Variants in STS observed in about 807,000 individuals in gnomAD.
STS encodes steryl-sulfatase.
In STS, 7 loss-of-function variants were observed where a neutral mutation model predicts 26.8. That is an observed-to-expected ratio of 0.26 (90% CI 0.15 to 0.49). The LOEUF is 0.49. Among genes scored for constraint, STS ranks in the 20% least tolerant of loss-of-function variants. The pLI, the probability that STS is intolerant of heterozygous loss-of-function variation, is 0.98. For missense variants in STS, 434 were observed against 465.6 expected, an observed-to-expected ratio of 0.93 and a Z score of 0.63; for synonymous variants, 199 against 189.4, an observed-to-expected ratio of 1.05 and a Z score of -0.42.
chrX:7,153,433 C>G (rs770029635), intron 1 of STS, among the ~76,000 whole-genome samples: 1 of 101,741 alleles, frequency 9.8e-6, no homozygotes, highest in Non-Finnish European at 2.0e-5. Context: ...TCCTCCTTGA[C>G]TCCTTCCCTC....
At position 7,234,194 on chromosome X, in the gene STS, C is replaced by T. The variant is rs191759420; in HGVS notation, c.-4-19002C>T. ...TTCATCCAGGGGATCCTGGAAAATG[C>T]AAATATACAAAACCTATCATGACCA... On this transcript the variant is annotated intron_variant, in intron 2 of 10. Transcript: ENST00000674429. 6.4e-4 allele frequency among the ~76,000 whole-genome samples: 72 copies of T among 112,257 alleles called. 3 individuals are homozygous for T. The Admixed American group carries it at 6.8e-3, about 11-fold the overall frequency.
intron 2 of STS, among the ~76,000 whole-genome samples, chrX:7,216,063 A>G (rs780862764): frequency 1.8e-5 from 2 of 111,942 alleles, no homozygotes; most frequent in Non-Finnish European, 3.8e-5. Flanking sequence ...CATAGCAAAC[A>G]TATTGGAATG....
intron 7 of STS, among the ~76,000 whole-genome samples, chrX:7,304,514 A>G (rs1926123340): frequency 9.0e-6 from 1 of 111,660 alleles, no homozygotes; most frequent in Admixed American, 9.5e-5. Flanking sequence ...GAATATTGAT[A>G]TTCATGTGAG....
chrX:7,349,714 G>A (rs968925257), intron 10 of STS, among the ~76,000 whole-genome samples, 174 bp from the exon 11 acceptor site: 3 of 111,446 alleles, frequency 2.7e-5, no homozygotes, highest in Admixed American at 9.5e-5. Context: ...GTGTGTGGGC[G>A]TCTATGTGTG....
intron 6 of STS, among the ~76,000 whole-genome samples, chrX:7,267,137 A>G (rs1243083357): frequency 8.9e-6 from 1 of 112,165 alleles, no homozygotes; most frequent in African/African-American, 3.2e-5. Context: ...CATCTACTCT[A>G]GTGCGGTAGA....
intron 7 of STS, among the ~76,000 whole-genome samples, chrX:7,279,307 A>ATG (rs1453225092): frequency 1.5e-5 from 1 of 67,028 alleles, no homozygotes; most frequent in Non-Finnish European, 2.9e-5. Context: ...ATATATATAT[A>ATG]TATATGTGTG....
rs1177475422 is a variant in STS, at chrX:7,352,045, C to G, written c.*1784C>G. ...AGATTCTTCCTTTTAACTTGGATTT[C>G]TCGTTCCAGAAATTGTGGGATAATC... On this transcript the variant is annotated 3_prime_UTR_variant, in exon 11 of 11. Coordinates refer to ENST00000674429, the MANE Select transcript of STS (RefSeq NM_001320752.2). 2 of 110,132 alleles carry G rather than the reference C, an allele frequency of 1.8e-5. No individual in the cohort carries two copies. Among genetic ancestry groups the G allele is most frequent in the African/African-American group, 6.6e-5 (2 of 30,249 alleles). 9.1% of individuals were successfully genotyped at this position (110,132 alleles called of 1,213,427 possible).
chrX:7,332,864 T>C (rs1927825787), intron 9 of STS, among the ~76,000 whole-genome samples: 1 of 112,078 alleles, frequency 8.9e-6, no homozygotes, highest in African/African-American at 3.2e-5. Context: ...GCCAAGCCAG[T>C]CTTTTGTTCT....
intron 2 of STS, among the ~76,000 whole-genome samples, chrX:7,203,789 T>TAG (rs1299512114): frequency 4.9e-4 from 54 of 109,357 alleles, no homozygotes; most frequent in Non-Finnish European, 5.9e-4. Flanking sequence ...TATATATATA[T>TAG]ATAGAGAGAG....
At chrX:7,346,912 T>A (rs1334308926) in intron 10 of STS, among the ~76,000 whole-genome samples, 1 of 108,226 alleles carries the variant, frequency 9.2e-6, no homozygotes, top group African/African-American at 3.4e-5. Flanking sequence ...TACAAAAAAA[T>A]TTAAAATATA....
intron 2 of STS, among the ~76,000 whole-genome samples, chrX:7,240,479 A>T (rs1000145071): frequency 7.1e-5 from 6 of 84,922 alleles, no homozygotes; most frequent in Admixed American, 2.8e-4. Context: ...ACACACACAC[A>T]CACACAGATA....
chrX:7,265,392 G>A (rs1219481636), intron 6 of STS, among the ~76,000 whole-genome samples: 2 of 111,621 alleles, frequency 1.8e-5, no homozygotes, highest in Non-Finnish European at 3.8e-5. Context: ...TATTTTGACA[G>A]AAATTATTTA....
intron 7 of STS, among the ~76,000 whole-genome samples, chrX:7,277,794 T>G (rs1231168697): frequency 8.9e-6 from 1 of 112,508 alleles, no homozygotes; most frequent in Non-Finnish European, 1.9e-5. Flanking sequence ...AATACAAGCC[T>G]GCCTCCTTTT....
At chrX:7,279,070 G>A (rs992559200) in intron 7 of STS, among the ~76,000 whole-genome samples, 12 of 109,145 alleles carry the variant, frequency 1.1e-4, no homozygotes, top group Non-Finnish European at 2.1e-4. Context: ...TTGGGAGGCC[G>A]AAGCGGGCAG....
Position 7,147,881 on chromosome X carries a change from T to G in STS, c.-336T>G. The G allele has an allele frequency of 3.9e-6, 1 of 253,242 alleles. No individual in the cohort carries two copies. The highest frequency in any genetic ancestry group is 7.0e-6 in the Non-Finnish European group (1 of 142,161). 20.9% of individuals were successfully genotyped at this position (253,242 alleles called of 1,213,427 possible). On this transcript the variant is annotated 5_prime_UTR_variant, in exon 1 of 11. Transcript: ENST00000674429. Reference sequence around the variant, plus strand: ...CCGGACATGGGCCCGCGGGCGCTCCTGGCCGCCGCCCGACTTCGGGGCCAG... The same window carrying G: ...CCGGACATGGGCCCGCGGGCGCTCCGGGCCGCCGCCCGACTTCGGGGCCAG...
intron 1 of STS, among the ~76,000 whole-genome samples, chrX:7,182,009 G>T (rs1470493338): frequency 9.0e-6 from 1 of 111,725 alleles, no homozygotes; most frequent in Non-Finnish European, 1.9e-5. Flanking sequence ...GGTAGGCAAA[G>T]GTGGCAGCAT....
At chrX:7,332,433 A>G (rs1261490337) in intron 9 of STS, among the ~76,000 whole-genome samples, 1 of 102,219 alleles carries the variant, frequency 9.8e-6, no homozygotes, top group African/African-American at 3.5e-5. Context: ...TGGCAGATGG[A>G]AAAAAAAAAA....
intron 1 of STS, among the ~76,000 whole-genome samples, chrX:7,190,510 CACAG>C (rs1933852729): frequency 9.0e-6 from 1 of 111,243 alleles, no homozygotes; most frequent in African/African-American, 3.3e-5. Context: ...AGAGGCTGGG[CACAG>C]TGGCTCACAC....
intron 1 of STS, among the ~76,000 whole-genome samples, chrX:7,148,578 T>C (rs907790771): frequency 1.7e-4 from 19 of 112,468 alleles, no homozygotes; most frequent in Non-Finnish European, 2.8e-4. Context: ...AGCCATCAGG[T>C]TGCAGACAAA....
Sources: gnomAD v4.1 joint callset for allele counts (sites outside exome capture counted in the v4.1 genomes callset) on GRCh38, gnomAD v4.1.1 for gene constraint, MANE v1.5 for transcripts, NCBI Gene and HGNC (gene_info 2026-07-23, HGNC 2026-07-21) for gene names.